VSTM1: variants seen among roughly 807,000 people sequenced by gnomAD.
VSTM1 encodes V-set and transmembrane domain-containing protein 1.
Under a neutral mutation model 33.1 loss-of-function variants are expected in VSTM1, and 27 were observed. The ratio of observed to expected loss-of-function variants is 0.82; its 90% confidence interval spans 0.60 to 1.12. The LOEUF (loss-of-function observed/expected upper bound fraction) is 1.12, where lower values mean the gene tolerates loss of function less well. Among genes scored for constraint, VSTM1 ranks in the 50% most tolerant of loss-of-function variants. VSTM1 has a pLI of 0.00. For synonymous variants in VSTM1, 115 were observed against 110.3 expected, an observed-to-expected ratio of 1.04 and a Z score of -0.27; for missense variants, 304 against 288.9, an observed-to-expected ratio of 1.05 and a Z score of -0.38.
chr19:54,041,857 A>G (rs1194607681), intron 7 of VSTM1, 41 bp from the exon 8 acceptor site: 1 of 1,613,600 alleles, frequency 6.2e-7, no homozygotes, highest in Non-Finnish European at 8.5e-7. Flanking sequence ...TCTCAGCTGC[A>G]GAAGTCAGAA....
chr19:54,041,477 A>G (rs2070263435), intron 8 of VSTM1, among the ~76,000 whole-genome samples: 1 of 151,644 alleles, frequency 6.6e-6, no homozygotes, highest in South Asian at 2.1e-4. Context: ...AATTTTTTGT[A>G]TCTTTAGTAG....
In VSTM1 at chr19:54,063,813, G is replaced by C; in HGVS notation, c.-36C>G. On this transcript the variant is annotated 5_prime_UTR_variant, in exon 1 of 9. Transcript: ENST00000338372. Reference sequence around the variant, plus strand: ...CTGCCAGAACCAAGGCCCCGCCTTGGGTTTTACCCTTCAAAGGCGGAGCGG... The same window carrying C: ...CTGCCAGAACCAAGGCCCCGCCTTGCGTTTTACCCTTCAAAGGCGGAGCGG... The C allele has an allele frequency of 1.2e-6, 2 of 1,612,676 alleles. No individual in the cohort carries two copies. Among genetic ancestry groups the C allele is most frequent in the Non-Finnish European group, 1.7e-6 (2 of 1,179,480 alleles).
chr19:54,041,664 G>A, intron 8 of VSTM1, 115 bp downstream of exon 8: 1 of 1,185,086 alleles, frequency 8.4e-7, no homozygotes, highest in Non-Finnish European at 1.2e-6. Flanking sequence ...ACTTGTCTAA[G>A]ACCACATGCG....
chr19:54,063,051 C>T (rs2071472616), intron 1 of VSTM1, among the ~76,000 whole-genome samples: 1 of 152,054 alleles, frequency 6.6e-6, no homozygotes, highest in Non-Finnish European at 1.5e-5. Flanking sequence ...AAATTGTCTT[C>T]TTGGGGCCAG....
intron 4 of VSTM1, among the ~76,000 whole-genome samples, chr19:54,045,530 T>C (rs2070532103): frequency 1.3e-5 from 2 of 152,286 alleles, no homozygotes; most frequent in Admixed American, 1.3e-4. Context: ...TATCTAATTA[T>C]CACTTATCTA....
chr19:54,060,364 G>A (rs2071335241), intron 1 of VSTM1, among the ~76,000 whole-genome samples: 1 of 152,160 alleles, frequency 6.6e-6, no homozygotes, highest in Admixed American at 6.6e-5. Flanking sequence ...GCTTGTTTCA[G>A]GGTGAAGTTA....
intron 4 of VSTM1, 82 bp from the exon 5 acceptor site, chr19:54,042,451 C>A (rs1471679047): frequency 2.0e-6 from 3 of 1,518,350 alleles, no homozygotes; most frequent in East Asian, 4.8e-5. Flanking sequence ...CTAAGAGAAG[C>A]CAGACAGATG....
chr19:54,042,373 G>T lies in VSTM1; in HGVS notation c.395-4C>A, dbSNP rs778270167. 2.5e-6 allele frequency: 4 copies of T among 1,612,856 alleles called. No individual in the cohort carries two copies. In the Admixed American group the frequency reaches 6.7e-5, roughly 27 times the overall value. ...GCGACAAAGATGGTTCTGGTGTCTG[G>T]AGGGGGAAGAGCAGGTCAGGGAATC... is the stretch of plus-strand genomic sequence containing the variant. On this transcript the variant is annotated splice_region_variant and splice_polypyrimidine_tract_variant and intron_variant, in intron 4 of 8. Coordinates refer to ENST00000338372, the MANE Select transcript of VSTM1 (RefSeq NM_198481.4).
In VSTM1 at chr19:54,042,182, C is replaced by T. The variant is rs2070317115; in HGVS notation, c.502G>A (p.Glu168Lys). The part of the protein sequence containing the change: ...RCSQHSSSSE[E>K]STKRTSHSKL... ...CCAAGCATCTACCTCTTGGTGGATT[C>T]CTCAGATGATGAACCTACAAAAAAT... is the stretch of plus-strand genomic sequence containing the variant. The change falls in exon 6 of 9, where the codon GAA becomes AAA. Residue 168 changes from glutamate (E) to lysine (K), a missense_variant. By Grantham distance (56) the Glu-to-Lys change is moderately conservative. Coordinates refer to ENST00000338372, the MANE Select transcript of VSTM1 (RefSeq NM_198481.4). 2 of 1,613,654 alleles carry T rather than the reference C, an allele frequency of 1.2e-6. No individual in the cohort carries two copies. Among genetic ancestry groups the T allele is most frequent in the South Asian group, 1.1e-5 (1 of 91,054 alleles).
chr19:54,048,697 T>G (rs1417340641), intron 4 of VSTM1, among the ~76,000 whole-genome samples: 1 of 152,132 alleles, frequency 6.6e-6, no homozygotes, highest in Non-Finnish European at 1.5e-5. Flanking sequence ...CAAGATAATT[T>G]ACAGCGCGGA....
intron 3 of VSTM1, among the ~76,000 whole-genome samples, chr19:54,056,409 T>G (rs1334947812): frequency 7.3e-6 from 1 of 137,226 alleles, no homozygotes; most frequent in Non-Finnish European, 1.6e-5. Flanking sequence ...TTTGTAGAGA[T>G]GGAGTTTCGC....
chr19:54,040,878 A>G lies in VSTM1; in HGVS notation c.*83T>C. The G allele has an allele frequency of 6.6e-7, 1 of 1,522,568 alleles. No individual in the cohort carries two copies. Among genetic ancestry groups the G allele is most frequent in the South Asian group, 1.2e-5 (1 of 80,724 alleles). The allele number at this position is 1,522,568 out of a possible 1,614,324, so 94.3% of individuals were successfully genotyped here. A position where few individuals can be genotyped will look rare whatever the true frequency, so the allele number is the denominator to read the frequency against. On this transcript the variant is annotated 3_prime_UTR_variant, in exon 9 of 9. Coordinates refer to ENST00000338372, the MANE Select transcript of VSTM1 (RefSeq NM_198481.4). ...TATTGATATGGACGAAGAGCAAGGA[A>G]ACACAGTATCTGCATCTCCAGATTT...
chr19:54,059,855 T>A (rs534528265), intron 1 of VSTM1, among the ~76,000 whole-genome samples: 5 of 150,172 alleles, frequency 3.3e-5, no homozygotes, highest in East Asian at 3.9e-4. Flanking sequence ...TTTTTTTTTT[T>A]TTTATTTTTC....
chr19:54,053,412 G>T lies in VSTM1; in HGVS notation c.356-1964C>A, dbSNP rs1222246651. ...CTTCTCACCAATAGCTATGGCAAAG[G>T]TGATGGGATGTTATGCTCTTGATTA... is the stretch of plus-strand genomic sequence containing the variant. On this transcript the variant is annotated intron_variant, in intron 3 of 8. Transcript: ENST00000338372. Among the ~76,000 whole-genome samples, 2 of 142,320 alleles carry T rather than the reference G, an allele frequency of 1.4e-5. 1 individual carries two copies. The highest frequency in any genetic ancestry group is 5.2e-5 in the African/African-American group (2 of 38,552). The allele number at this position is 142,320 out of a possible 152,430, so 93.4% of individuals were successfully genotyped here. A position where few individuals can be genotyped will look rare whatever the true frequency, so the allele number is the denominator to read the frequency against.
chr19:54,042,835 T>TACAC (rs1190129614), intron 4 of VSTM1, among the ~76,000 whole-genome samples: 20 of 75,722 alleles, frequency 2.6e-4, no homozygotes, highest in South Asian at 9.5e-4. Context: ...TATATATATA[T>TACAC]ATACATATAT....
Position 54,042,080 on chromosome 19 carries a change from G to T in VSTM1, c.515+89C>A, listed in dbSNP as rs375706598. 1.5e-4 allele frequency: 235 copies of T among 1,607,558 alleles called. 1 individual carries two copies. In the South Asian group the frequency reaches 2.4e-3, roughly 17 times the overall value. On this transcript the variant is annotated intron_variant, in intron 6 of 8. Coordinates refer to ENST00000338372, the MANE Select transcript of VSTM1 (RefSeq NM_198481.4). ...AGGTCACAGAATGGGCTGGGGTGGG[G>T]GCTCAGGGTGCCAATCCCGGATGTG... is the stretch of plus-strand genomic sequence containing the variant.
chr19:54,042,009 TGAGGGCAATG>T (rs2070304948), intron 6 of VSTM1, 56 bp from the exon 7 acceptor site: 2 of 1,608,356 alleles, frequency 1.2e-6, no homozygotes, highest in Admixed American at 3.4e-5. Context: ...GGGGAGAGGG[TGAGGGCAATG>T]GAGGGGAGAG....
In VSTM1 at chr19:54,041,832, A is replaced by G; in HGVS notation, c.554-16T>C. The G allele has an allele frequency of 6.3e-7, 1 of 1,595,330 alleles. No homozygotes were observed. Among genetic ancestry groups the G allele is most frequent in the Non-Finnish European group, 8.6e-7 (1 of 1,165,954 alleles). The stretch of plus-strand genomic sequence containing the variant: ...AAATCTGCCTCTGAGTGAGAAAGGA[A>G]AAAAAAAAATCAGTTCTCAGCTGCA... On this transcript the variant is annotated splice_polypyrimidine_tract_variant and intron_variant, in intron 7 of 8. Transcript: ENST00000338372.
intron 4 of VSTM1, among the ~76,000 whole-genome samples, chr19:54,049,991 ATTTT>A (rs11297678): frequency 5.0e-5 from 5 of 99,100 alleles, no homozygotes; most frequent in Admixed American, 3.7e-4. Flanking sequence ...TAACTTTTTA[ATTTT>A]TTTTTTTTTT....
Sources: allele counts gnomAD v4.1 joint callset (sites outside exome capture counted in the v4.1 genomes callset), GRCh38; gene constraint gnomAD v4.1.1; transcripts MANE v1.5; gene names NCBI Gene and HGNC (gene_info 2026-07-23, HGNC 2026-07-21).